Variants in SAMD12 observed in about 807,000 individuals in gnomAD.
The protein encoded by SAMD12 is sterile alpha motif domain containing 12.
SAMD12 carries 9 observed loss-of-function variants against 15.0 expected under a neutral mutation model. The observed-to-expected ratio is 0.60, with a 90% confidence interval of 0.36 to 1.05. The LOEUF is 1.05. SAMD12 is among the 50% of genes least tolerant of loss of function. The pLI is 0.01. For synonymous variants in SAMD12, 86 were observed against 90.1 expected (o/e 0.96, Z 0.25); for missense variants, 230 against 234.2 (o/e 0.98, Z 0.12).
chr8:118,499,053 C>T (rs1273016269), intron 2 of SAMD12, among the ~76,000 whole-genome samples: 1 of 152,188 alleles, frequency 6.6e-6, no homozygotes, highest in Non-Finnish European at 1.5e-5. Flanking sequence ...AATGAACAAC[C>T]CCCACATCTG....
Position 118,598,537 on chromosome 8 carries a change from T to C in SAMD12, c.14-17644A>G, listed in dbSNP as rs549394338. Among the ~76,000 whole-genome samples, 6 of 152,348 alleles carry C rather than the reference T, an allele frequency of 3.9e-5. 1 individual carries two copies. The South Asian group carries it at 1.0e-3, about 26-fold the overall frequency. On this transcript the variant is annotated intron_variant, in intron 1 of 3. Transcript: ENST00000314727. Reference sequence around the variant, plus strand: ...CCACCCAGTCTGTGATATTTTGTTATGGCAGCTCTAGCAGACTAACACAAT... The same window carrying C: ...CCACCCAGTCTGTGATATTTTGTTACGGCAGCTCTAGCAGACTAACACAAT...
chr8:118,463,736 AC>A (rs1349703101), intron 2 of SAMD12, among the ~76,000 whole-genome samples: 1 of 152,142 alleles, frequency 6.6e-6, no homozygotes, highest in African/African-American at 2.4e-5. Flanking sequence ...TTAATGACCA[AC>A]ATCCCACACG....
At chr8:118,506,794 C>T (rs1417476834) in intron 2 of SAMD12, among the ~76,000 whole-genome samples, 1 of 150,402 alleles carries the variant, frequency 6.6e-6, no homozygotes, top group Non-Finnish European at 1.5e-5. Flanking sequence ...GCTTCTCATA[C>T]TAGATGATTA....
intron 3 of SAMD12, among the ~76,000 whole-genome samples, chr8:118,436,080 G>T (rs1822568028): frequency 6.6e-6 from 1 of 152,158 alleles, no homozygotes; most frequent in African/African-American, 2.4e-5. Flanking sequence ...TAGAATCAAA[G>T]AATTAGATAA....
intron 1 of SAMD12, 70 bp downstream of exon 1, chr8:118,621,734 T>G: frequency 6.4e-7 from 1 of 1,566,670 alleles, no homozygotes; most frequent in Non-Finnish European, 8.8e-7. Flanking sequence ...TCGCCAAGCT[T>G]CATCGGGGAT....
rs59795347 is a variant in SAMD12 at position 118,320,822 on chromosome 8, T to A, written c.433+58738A>T. On this transcript the variant is annotated intron_variant, in intron 4 of 4. Transcript: ENST00000409003. ...CCTAGAACTTAAAGTATAATAAAAATATATATATATATATAAAAATCTATA... is the reference window on the plus strand; with the variant it reads ...CCTAGAACTTAAAGTATAATAAAAAAATATATATATATATAAAAATCTATA... Among the ~76,000 whole-genome samples the A allele has an allele frequency of 8.6e-4, 116 of 135,264 alleles. 1 individual carries two copies. Among genetic ancestry groups the A allele is most frequent in the African/African-American group, 3.0e-3 (89 of 29,580 alleles). 88.7% of individuals were successfully genotyped at this position (135,264 alleles called of 152,430 possible).
intron 3 of SAMD12, among the ~76,000 whole-genome samples, chr8:118,412,256 C>T (rs1365588988): frequency 6.6e-6 from 1 of 152,088 alleles, no homozygotes; most frequent in Admixed American, 6.5e-5. Flanking sequence ...ACAGATAGTT[C>T]ACTGATATTC....
chr8:118,200,447 T>C (rs1270835095), intron 4 of SAMD12, among the ~76,000 whole-genome samples: 1 of 150,474 alleles, frequency 6.6e-6, no homozygotes, highest in Admixed American at 6.6e-5. Flanking sequence ...TGAATTTATA[T>C]TAGAGCAACA....
intron 2 of SAMD12, among the ~76,000 whole-genome samples, chr8:118,543,804 T>C (rs1415775988): frequency 6.6e-6 from 1 of 152,044 alleles, no homozygotes; most frequent in Non-Finnish European, 1.5e-5. Context: ...AATTCCTCAC[T>C]CCCCATTCCT....
chr8:118,611,856 C>G (rs1249841217), intron 1 of SAMD12, among the ~76,000 whole-genome samples: 1 of 152,178 alleles, frequency 6.6e-6, no homozygotes, highest in Non-Finnish European at 1.5e-5. Context: ...ATGTCAGCAT[C>G]CAAATCACAT....
intron 4 of SAMD12, among the ~76,000 whole-genome samples, chr8:118,300,333 T>C (rs1240287347): frequency 2.6e-5 from 4 of 152,188 alleles, no homozygotes; most frequent in African/African-American, 7.2e-5. Context: ...ATTCCTAGTT[T>C]CTCCTATTCT....
intron 1 of SAMD12, among the ~76,000 whole-genome samples, chr8:118,582,356 C>G (rs1309684361): frequency 6.6e-6 from 1 of 152,114 alleles, no homozygotes; most frequent in African/African-American, 2.4e-5. Context: ...CTCTATGATC[C>G]ATCACTTTCC....
In SAMD12 at chr8:118,304,434, A is replaced by G. The variant is rs951473171; in HGVS notation, c.433+75126T>C. Among the ~76,000 whole-genome samples the G allele has an allele frequency of 7.2e-5, 11 of 152,188 alleles. 1 individual carries two copies. The highest frequency in any genetic ancestry group is 1.6e-4 in the Non-Finnish European group (11 of 68,040). ...TTCATCTTCTCCAGAAGCATTTTTC[A>G]ATCAGTAAATACATTTGAAAAGCAT... On this transcript the variant is annotated intron_variant, in intron 4 of 4. Coordinates refer to the SAMD12 transcript ENST00000409003.
intron 2 of SAMD12, among the ~76,000 whole-genome samples, chr8:118,473,103 G>A (rs1823852019): frequency 6.6e-6 from 1 of 152,116 alleles, no homozygotes; most frequent in African/African-American, 2.4e-5. Context: ...GAGAGGCCAA[G>A]GTATGTCGCT....
At chr8:118,584,405 T>C (rs1827376908) in intron 1 of SAMD12, among the ~76,000 whole-genome samples, 1 of 152,178 alleles carries the variant, frequency 6.6e-6, no homozygotes, top group African/African-American at 2.4e-5. Flanking sequence ...TGTTCATCAC[T>C]GCCCTTTCTT....
At chr8:118,144,633 G>T in the SAMD12 span, among the ~76,000 whole-genome samples, 1 of 151,816 alleles carries the variant, frequency 6.6e-6, no homozygotes, top group African/African-American at 2.4e-5. Flanking sequence ...GGAGGAAAAA[G>T]GGGAGGGGAA....
the SAMD12 span, among the ~76,000 whole-genome samples, chr8:118,142,695 C>T: frequency 6.6e-6 from 1 of 152,192 alleles, no homozygotes; most frequent in African/African-American, 2.4e-5. Context: ...CCTTGGCTAT[C>T]TTTGCTCAGA....
intron 2 of SAMD12, among the ~76,000 whole-genome samples, chr8:118,475,306 G>T (rs544556133): frequency 6.6e-6 from 1 of 152,040 alleles, no homozygotes; most frequent in South Asian, 2.1e-4. Context: ...TCTCTCTCAC[G>T]ATGTGATCTC....
intron 2 of SAMD12, among the ~76,000 whole-genome samples, chr8:118,523,143 C>T (rs935559808): frequency 2.0e-5 from 3 of 152,136 alleles, no homozygotes; most frequent in Admixed American, 1.3e-4. Context: ...CACTGTGATG[C>T]ACAAAAGTTT....
Sources: allele counts gnomAD v4.1 joint callset (sites outside exome capture counted in the v4.1 genomes callset), GRCh38; gene constraint gnomAD v4.1.1; transcripts MANE v1.5; gene names NCBI Gene and HGNC (gene_info 2026-07-23, HGNC 2026-07-21).